SMCO3: variants seen among roughly 807,000 people sequenced by gnomAD.
The protein encoded by SMCO3 is single-pass membrane and coiled-coil domain-containing protein 3.
SMCO3 carries 6 observed loss-of-function variants against 12.0 expected under a neutral mutation model. The ratio of observed to expected loss-of-function variants is 0.50; its 90% confidence interval spans 0.27 to 0.99. The LOEUF is 0.99. Among genes scored for constraint, SMCO3 ranks in the 50% least tolerant of loss-of-function variants. The pLI, the probability that SMCO3 is intolerant of heterozygous loss-of-function variation, is 0.11. For missense variants in SMCO3, 279 were observed against 265.0 expected (o/e 1.05, Z -0.37); for synonymous variants, 96 against 96.4 (o/e 1.00, Z 0.02).
At chr12:14,807,670 ACT>A (rs1381713535) in intron 1 of SMCO3, among the ~76,000 whole-genome samples, 1 of 152,114 alleles carries the variant, frequency 6.6e-6, no homozygotes, top group Non-Finnish European at 1.5e-5. Flanking sequence ...TATATTCAAG[ACT>A]CTTTGGATTA....
chr12:14,809,334 A>G (rs1950101739), intron 1 of SMCO3, among the ~76,000 whole-genome samples: 1 of 152,194 alleles, frequency 6.6e-6, no homozygotes, highest in African/African-American at 2.4e-5. Context: ...CGTAAAATGT[A>G]TCTGAAAGAC....
intron 1 of SMCO3, among the ~76,000 whole-genome samples, chr12:14,807,671 C>T (rs1485887424): frequency 1.3e-5 from 2 of 152,110 alleles, no homozygotes; most frequent in African/African-American, 4.8e-5. Flanking sequence ...ATATTCAAGA[C>T]TCTTTGGATT....
chr12:14,805,245 G>A lies in SMCO3; in HGVS notation c.*758C>T, dbSNP rs999186623. The A allele has an allele frequency of 6.6e-6, 1 of 152,218 alleles. No individual in the cohort carries two copies. Among genetic ancestry groups the A allele is most frequent in the Non-Finnish European group, 1.5e-5 (1 of 68,050 alleles). The allele number at this position is 152,218 out of a possible 1,614,324, so 9.4% of individuals were successfully genotyped here. A position where few individuals can be genotyped will look rare whatever the true frequency, so the allele number is the denominator to read the frequency against. On this transcript the variant is annotated 3_prime_UTR_variant, in exon 2 of 2. Transcript: ENST00000316048. Reference sequence around the variant, plus strand: ...ATTCTGCATCCTAAATGCAATATGTGTAGCTGTGTTTTGCTTTCTTGTCTT... The same window carrying A: ...ATTCTGCATCCTAAATGCAATATGTATAGCTGTGTTTTGCTTTCTTGTCTT...
At chr12:14,812,959 G>A (rs1373705775) in intron 1 of SMCO3, among the ~76,000 whole-genome samples, 1 of 152,106 alleles carries the variant, frequency 6.6e-6, no homozygotes, top group African/African-American at 2.4e-5. Flanking sequence ...AGAAGTTCTT[G>A]CCTATTTGGA....
chr12:14,813,995 T>C (rs1025592795), intron 1 of SMCO3, 131 bp downstream of exon 1: 5 of 152,226 alleles, frequency 3.3e-5, no homozygotes, highest in Admixed American at 2.0e-4. Context: ...GATCCTCTTA[T>C]AACAAAGCTG....
intron 1 of SMCO3, among the ~76,000 whole-genome samples, chr12:14,807,497 TG>T (rs1950072022): frequency 6.6e-6 from 1 of 152,238 alleles, no homozygotes; most frequent in Admixed American, 6.5e-5. Context: ...TTTACAGGGC[TG>T]TTTTTTGTAT....
chr12:14,805,974 A>G lies in SMCO3; in HGVS notation c.*29T>C. ...ACTGTTACTGAAAAGGAAGCAGAAAAACACTTCAGTGGCAAATAAAACGGC... is the reference window on the plus strand; with the variant it reads ...ACTGTTACTGAAAAGGAAGCAGAAAGACACTTCAGTGGCAAATAAAACGGC... On this transcript the variant is annotated 3_prime_UTR_variant, in exon 2 of 2. Transcript: ENST00000316048. 1 of 1,561,788 alleles carries G rather than the reference A, an allele frequency of 6.4e-7. No homozygotes were observed. The highest frequency in any genetic ancestry group is 2.2e-5 in the East Asian group (1 of 44,448).
intron 1 of SMCO3, among the ~76,000 whole-genome samples, chr12:14,810,059 C>T (rs542592658): frequency 6.6e-6 from 1 of 152,250 alleles, no homozygotes; most frequent in Non-Finnish European, 1.5e-5. Context: ...GTTCCAATAA[C>T]GAGTTTGGCT....
At chr12:14,810,512 T>C (rs1163483975) in intron 1 of SMCO3, among the ~76,000 whole-genome samples, 1 of 152,208 alleles carries the variant, frequency 6.6e-6, no homozygotes, top group Non-Finnish European at 1.5e-5. Flanking sequence ...TCCTTGCTTT[T>C]TTGGAATTTC....
chr12:14,812,361 A>G (rs10846061), intron 1 of SMCO3, among the ~76,000 whole-genome samples: 77,941 of 152,014 alleles, frequency 0.51, 20,508 homozygotes, highest in African/African-American at 0.61. Flanking sequence ...GGAGAATGGC[A>G]TGAGCCTGGG....
In SMCO3 at chr12:14,806,558, C is replaced by T. The variant is rs1950054332; in HGVS notation, c.123G>A (p.Glu41=). The T allele has an allele frequency of 1.4e-5, 22 of 1,614,164 alleles. No homozygotes were observed. Among genetic ancestry groups the T allele is most frequent in the Non-Finnish European group, 1.9e-5 (22 of 1,180,042 alleles). Residue 41 remains glutamate, a synonymous_variant, in exon 2 of 2, where the codon GAG becomes GAA. Transcript: ENST00000316048. ...DSFDVTNKLT[E]VLNMHLGCRL... is the part of the protein sequence containing the mutation. ...TGCACCCCAAGTGCATATTTAGAACCTCAGTCAGCTTATTGGTGACATCGA... is the reference window on the plus strand; with the variant it reads ...TGCACCCCAAGTGCATATTTAGAACTTCAGTCAGCTTATTGGTGACATCGA...
chr12:14,806,147 G>A lies in SMCO3; in HGVS notation c.534C>T (p.Ala178=). The change falls in exon 2 of 2, where the codon GCC becomes GCT. Residue 178 remains alanine, a synonymous_variant. Transcript: ENST00000316048. The part of the protein sequence containing the change: ...LGLGIDMIVR[A]ILGAVEKTQL... ...GTGTTTTTTCCACTGCTCCCAGGAT[G>A]GCACGGACAATCATATCTATGCCAA... The A allele has an allele frequency of 6.2e-7, 1 of 1,614,076 alleles. No individual in the cohort carries two copies. Among genetic ancestry groups the A allele is most frequent in the East Asian group, 2.2e-5 (1 of 44,866 alleles).
chr12:14,810,610 A>G lies in SMCO3; in HGVS notation c.-17+3516T>C, dbSNP rs1950121789. On this transcript the variant is annotated intron_variant, in intron 1 of 1. Transcript: ENST00000316048. ...GTACAAAATTAAAGGTACACTTGGTATTTGACTTGTGCAAATTTGTTTTAA... is the reference window on the plus strand; with the variant it reads ...GTACAAAATTAAAGGTACACTTGGTGTTTGACTTGTGCAAATTTGTTTTAA... Among the ~76,000 whole-genome samples, 3 of 152,200 alleles carry G rather than the reference A, an allele frequency of 2.0e-5. No individual in the cohort carries two copies. The South Asian group carries it at 6.2e-4, about 31-fold the overall frequency.
chr12:14,805,831 C>G lies in SMCO3; in HGVS notation c.*172G>C, dbSNP rs867109281. ...CATCAGCTGATCCAGGCATTGTTGA[C>G]TCAAAACTCATCTAGTCATCTAGTC... On this transcript the variant is annotated 3_prime_UTR_variant, in exon 2 of 2. Coordinates refer to ENST00000316048, the MANE Select transcript of SMCO3 (RefSeq NM_001013698.2). 4 of 725,616 alleles carry G rather than the reference C, an allele frequency of 5.5e-6. No homozygotes were observed. In the African/African-American group the frequency reaches 7.1e-5, roughly 13 times the overall value. The allele number at this position is 725,616 out of a possible 1,614,324, so 44.9% of individuals were successfully genotyped here. A position where few individuals can be genotyped will look rare whatever the true frequency, so the allele number is the denominator to read the frequency against.
intron 1 of SMCO3, among the ~76,000 whole-genome samples, chr12:14,813,231 G>A (rs7963212): frequency 0.37 from 56,529 of 152,022 alleles, 10,781 homozygotes; most frequent in Middle Eastern, 0.46. Flanking sequence ...ATGTTTAGTC[G>A]TTAGTGCTCT....
At chr12:14,810,109 A>T (rs1950113262) in intron 1 of SMCO3, among the ~76,000 whole-genome samples, 1 of 152,330 alleles carries the variant, frequency 6.6e-6, no homozygotes, top group East Asian at 1.9e-4. Context: ...TGTTTCCCTT[A>T]TAATGAAAAA....
At chr12:14,807,649 T>C (rs746055387) in intron 1 of SMCO3, among the ~76,000 whole-genome samples, 1 of 152,192 alleles carries the variant, frequency 6.6e-6, no homozygotes, top group African/African-American at 2.4e-5. Flanking sequence ...TTTTTTCTTG[T>C]GATAAGAGTA....
In SMCO3 at chr12:14,806,048, A is replaced by G. The variant is rs1950042973; in HGVS notation, c.633T>C (p.His211=). The part of the protein sequence containing the change: ...EFKSASEKYN[H]AITEVINTVK... ...CTGTATTGATGACCTCAGTAATGGC[A>G]TGATTATATTTTTCTGAGGCTGATT... Residue 211 remains histidine (H), a synonymous_variant, in exon 2 of 2, where the codon CAT becomes CAC. Transcript: ENST00000316048. 1.2e-6 allele frequency: 2 copies of G among 1,613,914 alleles called. No individual in the cohort carries two copies. The highest frequency in any genetic ancestry group is 1.7e-6 in the Non-Finnish European group (2 of 1,179,924).
Position 14,805,100 on chromosome 12 carries a change from G to A in SMCO3, c.*903C>T, listed in dbSNP as rs1273369923. On this transcript the variant is annotated 3_prime_UTR_variant, in exon 2 of 2. Coordinates refer to ENST00000316048, the MANE Select transcript of SMCO3 (RefSeq NM_001013698.2). ...AATGGCCCACCTAATGCGTCATGTA[G>A]CAAAGGCAGCTGCCTCCTTTTTGCT... 6.9e-6 allele frequency: 1 copy of A among 145,088 alleles called. No homozygotes were observed. The highest frequency in any genetic ancestry group is 2.6e-5 in the African/African-American group (1 of 38,844). 9.0% of individuals were successfully genotyped at this position (145,088 alleles called of 1,614,324 possible).
Sources: gnomAD v4.1 joint callset for allele counts (sites outside exome capture counted in the v4.1 genomes callset) on GRCh38, gnomAD v4.1.1 for gene constraint, MANE v1.5 for transcripts, NCBI Gene and HGNC (gene_info 2026-07-23, HGNC 2026-07-21) for gene names.